CTSC: variants seen among roughly 807,000 people sequenced by gnomAD.
The protein encoded by CTSC is cathepsin C.
Under a neutral mutation model 40.9 loss-of-function variants are expected in CTSC, and 37 were observed. The observed-to-expected ratio is 0.91, with a 90% CI of 0.70 to 1.19. The LOEUF (loss-of-function observed/expected upper bound fraction) is 1.19. CTSC is among the 50% of genes most tolerant of loss of function. The pLI is 0.00. For synonymous variants in CTSC, 232 were observed against 207.4 expected (o/e 1.12, Z -1.02); for missense variants, 594 against 567.3 (o/e 1.05, Z -0.48).
At chr11:88,298,992 T>C (rs1332071395) in intron 5 of CTSC, 2 of 152,216 alleles carry the variant, frequency 1.3e-5, no homozygotes, top group South Asian at 4.1e-4. Flanking sequence ...GTAGTTATCA[T>C]GCTTTACTTT....
chr11:88,324,455 A>G, intron 2 of CTSC: 4 of 980,856 alleles, frequency 4.1e-6, no homozygotes, highest in Non-Finnish European at 4.8e-6. Flanking sequence ...AGGGAATCAA[A>G]AAAGATGTAT....
chr11:88,329,350 C>T (rs969965267), intron 2 of CTSC, among the ~76,000 whole-genome samples: 7 of 145,572 alleles, frequency 4.8e-5, no homozygotes, highest in African/African-American at 1.5e-4. Context: ...GGCGTGATGG[C>T]GGGCACCTGT....
At chr11:88,324,260 G>T in intron 2 of CTSC, 1 of 476,138 alleles carries the variant, frequency 2.1e-6, no homozygotes, top group Non-Finnish European at 2.7e-6. Flanking sequence ...AACTCAAGAT[G>T]GATTAAAGAC....
At position 88,296,170 on chromosome 11, in the gene CTSC, G is replaced by A. The variant is rs760970975; in HGVS notation, c.852C>T (p.Ser284=). 2 of 1,613,852 alleles carry A rather than the reference G, an allele frequency of 1.2e-6. No homozygotes were observed. Among genetic ancestry groups the A allele is most frequent in the Non-Finnish European group, 1.7e-6 (2 of 1,179,926 alleles). The change falls in exon 6 of 7, where the codon AGC becomes AGT. Residue 284 remains serine, a synonymous_variant. Coordinates refer to ENST00000227266, the MANE Select transcript of CTSC (RefSeq NM_001814.6). ...LTNNSQTPIL[S]PQEVVSCSQY... is the part of the protein sequence containing the mutation. Reference sequence around the variant, plus strand: ...GGCTACAAGACACAACCTCCTGAGGGCTTAGGATTGGGGTCTGAGAATTGT... The same window carrying A: ...GGCTACAAGACACAACCTCCTGAGGACTTAGGATTGGGGTCTGAGAATTGT...
intron 2 of CTSC, chr11:88,325,905 C>G (rs1938169523): frequency 1.0e-6 from 1 of 989,184 alleles, no homozygotes; most frequent in Admixed American, 5.9e-5. Context: ...CTTATTTTCT[C>G]CTTACAACAG....
intron 2 of CTSC, chr11:88,323,978 A>G (rs1342070884): frequency 6.6e-6 from 1 of 152,184 alleles, no homozygotes; most frequent in Admixed American, 6.5e-5. Flanking sequence ...CAAAAAGAAC[A>G]AACCTGGAGG....
chr11:88,306,247 T>A (rs1188445715), intron 4 of CTSC, among the ~76,000 whole-genome samples: 1 of 152,094 alleles, frequency 6.6e-6, no homozygotes, highest in Non-Finnish European at 1.5e-5. Context: ...TGCCACACCT[T>A]AGCATTATTA....
chr11:88,299,725 C>T (rs762634745), intron 5 of CTSC: 22 of 152,146 alleles, frequency 1.4e-4, no homozygotes, highest in Non-Finnish European at 2.8e-4. Flanking sequence ...ACAGCAAATA[C>T]TAAACCTATT....
chr11:88,337,425 G>T (rs913215157), intron 1 of CTSC, 76 bp downstream of exon 1: 12 of 1,417,518 alleles, frequency 8.5e-6, no homozygotes, highest in Non-Finnish European at 1.2e-5. Context: ...GGGGGAAGCG[G>T]TAGTTGGCGT....
At chr11:88,304,668 C>A (rs1937614661) in intron 4 of CTSC, among the ~76,000 whole-genome samples, 1 of 152,178 alleles carries the variant, frequency 6.6e-6, no homozygotes, top group South Asian at 2.1e-4. Flanking sequence ...AGATTCAGGT[C>A]ATAAAGACCT....
Position 88,296,238 on chromosome 11 carries a change from C to G in CTSC, c.784G>C (p.Ala262Pro). 3 of 1,613,876 alleles carry G rather than the reference C, an allele frequency of 1.9e-6. No homozygotes were observed. The highest frequency in any genetic ancestry group is 2.5e-6 in the Non-Finnish European group (3 of 1,179,896). Residue 262 changes from alanine (A) to proline (P), a missense_variant, in exon 6 of 7, where the codon GCT becomes CCT. By Grantham distance (27) the Ala-to-Pro change is conservative. Transcript: ENST00000227266. ...CTCGCTTCTAGCATACCCATAGAAG[C>G]AAATGAGTAGCAGCTGCCACAGGAT... ...QASCGSCYSF[A>P]SMGMLEARIR...
chr11:88,318,026 G>C (rs917312711), intron 2 of CTSC, among the ~76,000 whole-genome samples: 1 of 152,148 alleles, frequency 6.6e-6, no homozygotes, highest in Non-Finnish European at 1.5e-5. Flanking sequence ...CCTAGTCATA[G>C]GGAAATTTTG....
At chr11:88,325,773 G>GTA in intron 2 of CTSC, 1 of 985,384 alleles carries the variant, frequency 1.0e-6, no homozygotes, top group South Asian at 4.7e-5. Flanking sequence ...ATCTGTAGAA[G>GTA]TATACTATAG....
At chr11:88,299,594 G>A (rs961522618) in intron 5 of CTSC, 3 of 152,160 alleles carry the variant, frequency 2.0e-5, no homozygotes, top group African/African-American at 7.2e-5. Context: ...GGCAAGTGAT[G>A]AAAATGAGAC....
intron 2 of CTSC, among the ~76,000 whole-genome samples, chr11:88,315,340 T>C (rs545183504): frequency 2.0e-5 from 3 of 152,296 alleles, no homozygotes; most frequent in African/African-American, 7.2e-5. Context: ...CACTGCAGTA[T>C]AACACAAGTT....
At chr11:88,334,309 G>A (rs1450063350) in intron 2 of CTSC, among the ~76,000 whole-genome samples, 2 of 152,196 alleles carry the variant, frequency 1.3e-5, no homozygotes, top group Non-Finnish European at 2.9e-5. Context: ...CCCTGAGTAT[G>A]TTTGCAATTG....
intron 2 of CTSC, among the ~76,000 whole-genome samples, chr11:88,317,712 T>A (rs948708663): frequency 6.6e-6 from 1 of 152,230 alleles, no homozygotes. Context: ...GACCCCGCTA[T>A]CCAGCTTGAA....
rs771542957 is a variant in CTSC, at chr11:88,294,228, G to A, written c.1170C>T (p.His390=). The A allele has an allele frequency of 5.0e-6, 8 of 1,614,058 alleles. No homozygotes were observed. In the South Asian group the frequency reaches 8.8e-5, roughly 18 times the overall value. ...FLHYKKGIYH[H]TGLRDPFNPF... ...GGTTGAAAGGGTCTCTTAGACCAGT[G>A]TGGTGGTAGATCCCCTTTTTGTAGT... The change falls in exon 7 of 7, where the codon CAC becomes CAT. Residue 390 remains histidine, a synonymous_variant. Coordinates refer to ENST00000227266, the MANE Select transcript of CTSC (RefSeq NM_001814.6).
intron 3 of CTSC, among the ~76,000 whole-genome samples, chr11:88,311,175 T>G (rs998965108): frequency 2.5e-4 from 38 of 152,224 alleles, no homozygotes; most frequent in African/African-American, 8.7e-4. Flanking sequence ...AATGAGAGAA[T>G]GTTTGAAATA....
Sources: allele counts gnomAD v4.1 joint callset (sites outside exome capture counted in the v4.1 genomes callset), GRCh38; gene constraint gnomAD v4.1.1; transcripts MANE v1.5; gene names NCBI Gene and HGNC (gene_info 2026-07-23, HGNC 2026-07-21).